Variants in PLXNA4 observed in about 807,000 individuals in gnomAD.
The protein encoded by PLXNA4 is plexin A4.
A neutral mutation model predicts 191.8 loss-of-function variants in PLXNA4; 44 were observed. The observed-to-expected ratio is 0.23, with a 90% CI of 0.18 to 0.29. The LOEUF (loss-of-function observed/expected upper bound fraction) is 0.29, where lower values mean the gene tolerates loss of function less well. Among genes scored for constraint, PLXNA4 ranks in the 10% least tolerant of loss-of-function variants. The pLI is 1.00. For synonymous variants in PLXNA4, 1,082 were observed against 1,009.5 expected, an observed-to-expected ratio of 1.07 and a Z score of -1.36; for missense variants, 1,800 against 2,488.8, an observed-to-expected ratio of 0.72 and a Z score of 5.89.
At chr7:132,365,358 T>TGTGCGCGCGC (rs1804120961) in intron 3 of PLXNA4, among the ~76,000 whole-genome samples, 1 of 133,594 alleles carries the variant, frequency 7.5e-6, no homozygotes, top group African/African-American at 3.4e-5. Flanking sequence ...TGTGTGTGTG[T>TGTGCGCGCGC]GTGCGTGCGC....
chr7:132,368,283 G>C (rs1804276846), intron 3 of PLXNA4, among the ~76,000 whole-genome samples: 1 of 152,110 alleles, frequency 6.6e-6, no homozygotes, highest in Non-Finnish European at 1.5e-5. Flanking sequence ...TTTTCCTTTA[G>C]GTTAACTATT....
At chr7:132,295,201 G>A (rs1199330686) in intron 4 of PLXNA4, among the ~76,000 whole-genome samples, 2 of 152,064 alleles carry the variant, frequency 1.3e-5, no homozygotes, top group African/African-American at 2.4e-5. Flanking sequence ...AAATTAAGAG[G>A]GGCCTATTAG....
rs1185283475 is a variant in PLXNA4, at chr7:132,210,979, G to T, written c.2262C>A (p.Arg754=). The change falls in exon 10 of 32, where the codon CGC becomes CGA. Residue 754 remains arginine, a synonymous_variant. Coordinates refer to ENST00000321063, the MANE Select transcript of PLXNA4 (RefSeq NM_020911.2). ...GGCACTGTACGCTGGAGCTGTTGAA[G>T]CGCAGGGCGGGCACTCGCTGCTCGC... ...QGSEQRVPAL[R]FNSSSVQCQN... is the part of the protein sequence containing the mutation. 1.9e-6 allele frequency: 3 copies of T among 1,613,292 alleles called. No homozygotes were observed. The highest frequency in any genetic ancestry group is 2.5e-6 in the Non-Finnish European group (3 of 1,179,980).
At chr7:132,432,985 T>G (rs1226535665) in intron 3 of PLXNA4, among the ~76,000 whole-genome samples, 1 of 152,186 alleles carries the variant, frequency 6.6e-6, no homozygotes, top group Non-Finnish European at 1.5e-5. Context: ...TGTAAGTGTT[T>G]CTCATTATAC....
intron 3 of PLXNA4, among the ~76,000 whole-genome samples, chr7:132,444,384 A>G (rs1436773860): frequency 6.6e-6 from 1 of 152,200 alleles, no homozygotes; most frequent in Non-Finnish European, 1.5e-5. Flanking sequence ...CCTCCCGAGT[A>G]GCTGGGATGA....
At chr7:132,314,105 C>T (rs1444027973) in intron 3 of PLXNA4, among the ~76,000 whole-genome samples, 4 of 152,160 alleles carry the variant, frequency 2.6e-5, no homozygotes, top group African/African-American at 9.7e-5. Context: ...ACAGGAAAGA[C>T]ACACCGATTT....
chr7:132,209,989 C>T (rs957865123), intron 10 of PLXNA4, among the ~76,000 whole-genome samples: 1 of 152,160 alleles, frequency 6.6e-6, no homozygotes, highest in Non-Finnish European at 1.5e-5. Flanking sequence ...CTTCTAAGGC[C>T]TATGTATCTA....
chr7:132,369,896 T>G (rs573999120), intron 3 of PLXNA4, among the ~76,000 whole-genome samples: 1 of 151,852 alleles, frequency 6.6e-6, no homozygotes, highest in Admixed American at 6.5e-5. Context: ...GTGAAACCCC[T>G]TCTCTACTAA....
chr7:132,242,233 A>G (rs896475303), intron 4 of PLXNA4, among the ~76,000 whole-genome samples: 2 of 150,706 alleles, frequency 1.3e-5, no homozygotes, highest in South Asian at 4.2e-4. Flanking sequence ...CTGATGTTTC[A>G]GCTTGAGCTA....
chr7:132,141,285 C>T (rs1795261553), intron 29 of PLXNA4, among the ~76,000 whole-genome samples: 1 of 152,180 alleles, frequency 6.6e-6, no homozygotes, highest in Non-Finnish European at 1.5e-5. Context: ...GCAGAAGTCA[C>T]ACCCTTCCTC....
intron 2 of PLXNA4, among the ~76,000 whole-genome samples, chr7:132,634,704 C>A (rs543442830): frequency 1.3e-5 from 2 of 152,308 alleles, no homozygotes; most frequent in South Asian, 4.1e-4. Flanking sequence ...CTCAAGGAGC[C>A]CATCTGAGAT....
intron 3 of PLXNA4, among the ~76,000 whole-genome samples, chr7:132,441,563 A>G (rs1243361626): frequency 6.6e-6 from 1 of 152,262 alleles, no homozygotes; most frequent in African/African-American, 2.4e-5. Flanking sequence ...TCCCAAGGCT[A>G]TAGGACTTAG....
rs185045206 is a variant in PLXNA4 at position 132,471,538 on chromosome 7, C to T, written c.1371+17754G>A. Among the ~76,000 whole-genome samples the T allele has an allele frequency of 2.0e-3, 297 of 152,268 alleles. 3 individuals carry two copies. The highest frequency in any genetic ancestry group is 6.6e-3 in the African/African-American group (273 of 41,556). ...CTCACCTGTTACTCCCAGCGATCAC[C>T]TTGGCCCTGCTCCTCATCAGTCTCC... On this transcript the variant is annotated intron_variant, in intron 3 of 31. Coordinates refer to ENST00000321063, the MANE Select transcript of PLXNA4 (RefSeq NM_020911.2).
In PLXNA4 at chr7:132,544,554, G is replaced by A. The variant is rs768541111; in HGVS notation, c.-87+31868C>T. 2.6e-5 allele frequency among the ~76,000 whole-genome samples: 4 copies of A among 151,896 alleles called. No individual in the cohort carries two copies. The South Asian group carries it at 8.3e-4, about 32-fold the overall frequency. On this transcript the variant is annotated intron_variant, in intron 1 of 31. Transcript: ENST00000321063. ...GACTTAAGTGTGCAGAGGGTGAGGGGGGCACACCCTGTCACTATGTGACAG... is the reference window on the plus strand; with the variant it reads ...GACTTAAGTGTGCAGAGGGTGAGGGAGGCACACCCTGTCACTATGTGACAG...
chr7:132,571,327 G>A (rs984909159), intron 1 of PLXNA4, among the ~76,000 whole-genome samples: 1 of 152,256 alleles, frequency 6.6e-6, no homozygotes, highest in East Asian at 1.9e-4. Context: ...CATGCAAATG[G>A]GGACCTATCA....
chr7:132,616,204 T>G (rs1463555974), intron 2 of PLXNA4, among the ~76,000 whole-genome samples: 1 of 152,118 alleles, frequency 6.6e-6, no homozygotes, highest in African/African-American at 2.4e-5. Flanking sequence ...CATGCACAGT[T>G]TAAAAAGCAC....
intron 3 of PLXNA4, among the ~76,000 whole-genome samples, chr7:132,310,634 G>A (rs1261973306): frequency 1.3e-5 from 2 of 152,200 alleles, no homozygotes; most frequent in Non-Finnish European, 2.9e-5. Context: ...CTGTCTGCAG[G>A]AAGCCCCGTG....
At chr7:132,427,820 T>C (rs1488009764) in intron 3 of PLXNA4, among the ~76,000 whole-genome samples, 1 of 152,218 alleles carries the variant, frequency 6.6e-6, no homozygotes, top group East Asian at 1.9e-4. Flanking sequence ...TCCAATGTGA[T>C]CCTTCCTTTG....
chr7:132,190,741 G>A (rs1200552803), intron 14 of PLXNA4, among the ~76,000 whole-genome samples: 1 of 152,156 alleles, frequency 6.6e-6, no homozygotes, highest in African/African-American at 2.4e-5. Context: ...AGGTGGCGGT[G>A]ATTCTAGCCC....
Sources: gnomAD v4.1 joint callset for allele counts (sites outside exome capture counted in the v4.1 genomes callset) on GRCh38, gnomAD v4.1.1 for gene constraint, MANE v1.5 for transcripts, NCBI Gene and HGNC (gene_info 2026-07-23, HGNC 2026-07-21) for gene names.